The following NAALADL2 variants were observed in gnomAD, a reference collection of about 807,000 sequenced individuals.
NAALADL2 encodes the protein inactive N-acetylated-alpha-linked acidic dipeptidase-like protein 2.
Under a neutral mutation model 87.2 loss-of-function variants are expected in NAALADL2, and 76 were observed. The ratio of observed to expected loss-of-function variants is 0.87; its 90% CI spans 0.72 to 1.05. NAALADL2 has a LOEUF of 1.05. NAALADL2 is among the 50% of genes least tolerant of loss of function. The probability of loss-of-function intolerance (pLI) is 0.00; values close to 1 mark genes in which losing one functional copy is unlikely to be tolerated. For synonymous variants in NAALADL2, 354 were observed against 331.0 expected, an observed-to-expected ratio of 1.07 and a Z score of -0.75; for missense variants, 1,089 against 945.8, an observed-to-expected ratio of 1.15 and a Z score of -1.99.
intron 2 of NAALADL2, among the ~76,000 whole-genome samples, chr3:174,590,160 C>T (rs1445985107): frequency 2.6e-5 from 4 of 151,800 alleles, no homozygotes; most frequent in South Asian, 4.1e-4. Flanking sequence ...TCAGTCAGAA[C>T]CATAGATTTT....
intron 2 of NAALADL2, among the ~76,000 whole-genome samples, chr3:175,224,386 G>T (rs1743854459): frequency 6.6e-6 from 1 of 152,174 alleles, no homozygotes; most frequent in Non-Finnish European, 1.5e-5. Flanking sequence ...CTGTGGCCAG[G>T]ACCTGCAAAA....
chr3:174,603,526 C>A (rs1247990529), intron 2 of NAALADL2, among the ~76,000 whole-genome samples: 1 of 151,506 alleles, frequency 6.6e-6, no homozygotes, highest in Non-Finnish European at 1.5e-5. Context: ...ATAAGTTTAT[C>A]AATTTTGTTT....
At chr3:175,094,948 A>C (rs1485014179) in intron 1 of NAALADL2, among the ~76,000 whole-genome samples, 1 of 152,052 alleles carries the variant, frequency 6.6e-6, no homozygotes, top group East Asian at 1.9e-4. Flanking sequence ...CTTTAGGTTT[A>C]CTATGTGAAT....
chr3:174,627,405 A>ATGCC lies in NAALADL2; in HGVS notation c.-115+76770_-115+76773dup, dbSNP rs1319090373. On this transcript the variant is annotated intron_variant, in intron 2 of 3. Coordinates refer to the NAALADL2 transcript ENST00000434257. ...AAGATACCATCTTACACAGATCAGA[A>ATGCC]TGCCTATTATTGAAAAGTCAAAAAA... Among the ~76,000 whole-genome samples, 39 of 152,318 alleles carry ATGCC rather than the reference A, an allele frequency of 2.6e-4. 1 individual carries two copies. The highest frequency in any genetic ancestry group is 2.1e-3 in the Admixed American group (32 of 15,290).
At chr3:175,611,484 G>A (rs998066939) in intron 10 of NAALADL2, among the ~76,000 whole-genome samples, 1 of 151,886 alleles carries the variant, frequency 6.6e-6, no homozygotes, top group African/African-American at 2.4e-5. Context: ...AGGAAATTGG[G>A]TCCAAGTTAA....
intron 1 of NAALADL2, among the ~76,000 whole-genome samples, chr3:174,911,523 T>C (rs529706189): frequency 3.9e-5 from 6 of 152,088 alleles, no homozygotes; most frequent in Non-Finnish European, 8.8e-5. Flanking sequence ...CCCAGTGCAC[T>C]GCCTGCTACA....
intron 2 of NAALADL2, among the ~76,000 whole-genome samples, chr3:174,590,639 C>T (rs912676787): frequency 1.3e-5 from 2 of 152,064 alleles, no homozygotes; most frequent in Non-Finnish European, 2.9e-5. Context: ...AGTAGTAAAA[C>T]ATTAAGCTCT....
At chr3:175,351,692 T>C (rs1763797493) in intron 5 of NAALADL2, among the ~76,000 whole-genome samples, 2 of 151,996 alleles carry the variant, frequency 1.3e-5, no homozygotes, top group African/African-American at 4.8e-5. Flanking sequence ...ACCAGCGAAT[T>C]GCGATATCTT....
At chr3:174,468,255 T>G (rs1459879277) in intron 1 of NAALADL2, among the ~76,000 whole-genome samples, 1 of 152,180 alleles carries the variant, frequency 6.6e-6, no homozygotes, top group African/African-American at 2.4e-5. Context: ...ATTGCTTCCT[T>G]GAAATAAGGG....
intron 2 of NAALADL2, among the ~76,000 whole-genome samples, chr3:174,665,051 A>G (rs1173699254): frequency 6.6e-6 from 1 of 152,188 alleles, no homozygotes; most frequent in Non-Finnish European, 1.5e-5. Context: ...ATTTCAAGGT[A>G]GACTCTAAAC....
chr3:175,667,843 G>A (rs1220654720), intron 11 of NAALADL2, among the ~76,000 whole-genome samples: 3 of 148,852 alleles, frequency 2.0e-5, no homozygotes, highest in Non-Finnish European at 4.4e-5. Context: ...CACTGAGAAT[G>A]TCTGTTTGAA....
intron 2 of NAALADL2, among the ~76,000 whole-genome samples, chr3:174,714,193 G>A (rs1730961288): frequency 6.6e-6 from 1 of 152,092 alleles, no homozygotes; most frequent in African/African-American, 2.4e-5. Context: ...ATGCTGTTTT[G>A]TTTACTGTAG....
At chr3:174,713,513 A>G (rs1293319452) in intron 2 of NAALADL2, among the ~76,000 whole-genome samples, 7 of 152,096 alleles carry the variant, frequency 4.6e-5, no homozygotes, top group Non-Finnish European at 7.4e-5. Flanking sequence ...GTGTGAGATG[A>G]TATCTCATTG....
intron 11 of NAALADL2, among the ~76,000 whole-genome samples, chr3:175,634,505 A>G (rs1426131324): frequency 6.6e-6 from 1 of 151,962 alleles, no homozygotes; most frequent in Admixed American, 6.6e-5. Flanking sequence ...TTTTAAAACT[A>G]TATCTCAGTA....
At chr3:175,061,770 A>T (rs1315110429) in intron 1 of NAALADL2, among the ~76,000 whole-genome samples, 2 of 146,188 alleles carry the variant, frequency 1.4e-5, no homozygotes, top group Non-Finnish European at 3.0e-5. Context: ...TACACCACAA[A>T]ATTATATATT....
At chr3:175,393,612 T>C (rs1769364682) in intron 5 of NAALADL2, among the ~76,000 whole-genome samples, 1 of 152,136 alleles carries the variant, frequency 6.6e-6, no homozygotes, top group African/African-American at 2.4e-5. Flanking sequence ...CCCTATGCAC[T>C]CTCTCAGGCA....
At chr3:174,953,100 C>A (rs1740621097) in intron 1 of NAALADL2, among the ~76,000 whole-genome samples, 1 of 151,906 alleles carries the variant, frequency 6.6e-6, no homozygotes. Context: ...CCCAGGTTTA[C>A]AGAAGAAGAA....
chr3:175,727,855 GAGGAGCATTATTC>G (rs1352295985), intron 11 of NAALADL2, among the ~76,000 whole-genome samples: 1 of 152,120 alleles, frequency 6.6e-6, no homozygotes, highest in Non-Finnish European at 1.5e-5. Context: ...TTGGCAAGAA[GAGGAGCATTATTC>G]AGGTGTTGGG....
At chr3:174,530,053 G>T (rs1163769110) in intron 1 of NAALADL2, among the ~76,000 whole-genome samples, 1 of 151,958 alleles carries the variant, frequency 6.6e-6, no homozygotes, top group Non-Finnish European at 1.5e-5. Context: ...CTTTTCTATC[G>T]CATTGTCAGG....
Sources: allele counts gnomAD v4.1 joint callset (sites outside exome capture counted in the v4.1 genomes callset), GRCh38; gene constraint gnomAD v4.1.1; transcripts MANE v1.5; gene names NCBI Gene and HGNC (gene_info 2026-07-23, HGNC 2026-07-21).